The following PRRX2 variants were observed in gnomAD, a reference collection of about 807,000 sequenced individuals.
PRRX2 encodes paired mesoderm homeobox protein 2.
A neutral mutation model predicts 18.0 loss-of-function variants in PRRX2; 11 were observed. The ratio of observed to expected loss-of-function variants is 0.61; its 90% CI spans 0.39 to 1.01. PRRX2 has a LOEUF of 1.01. Ranked by LOEUF, PRRX2 falls within the 50% of genes least tolerant of loss-of-function variation. The pLI is 0.01. For synonymous variants in PRRX2, 177 were observed against 154.8 expected, an observed-to-expected ratio of 1.14 and a Z score of -1.06; for missense variants, 387 against 351.0, an observed-to-expected ratio of 1.10 and a Z score of -0.82.
intron 1 of PRRX2, among the ~76,000 whole-genome samples, chr9:129,692,824 G>GT (rs1239018293): frequency 6.6e-6 from 1 of 152,172 alleles, no homozygotes; most frequent in African/African-American, 2.4e-5. Flanking sequence ...TTGCTTCTAA[G>GT]TTTTGGCAAT....
intron 1 of PRRX2, among the ~76,000 whole-genome samples, chr9:129,693,049 C>T (rs182754009): frequency 3.9e-5 from 6 of 152,172 alleles, no homozygotes; most frequent in Non-Finnish European, 5.9e-5. Flanking sequence ...CCCACATCTT[C>T]GCCAGCATTT....
intron 1 of PRRX2, among the ~76,000 whole-genome samples, chr9:129,714,677 C>T (rs1465392097): frequency 8.5e-5 from 13 of 152,172 alleles, no homozygotes; most frequent in Non-Finnish European, 2.9e-5. Flanking sequence ...CTCCATGTCG[C>T]CACACAGCTT....
intron 1 of PRRX2, among the ~76,000 whole-genome samples, chr9:129,710,436 G>A (rs922737862): frequency 6.6e-6 from 1 of 152,152 alleles, no homozygotes; most frequent in Non-Finnish European, 1.5e-5. Flanking sequence ...AGCTTGGCCT[G>A]ATTGAAAGCT....
At chr9:129,698,841 G>C (rs1832461720) in intron 1 of PRRX2, among the ~76,000 whole-genome samples, 1 of 152,230 alleles carries the variant, frequency 6.6e-6, no homozygotes, top group Non-Finnish European at 1.5e-5. Context: ...CTGGACTCCA[G>C]AGATGAAACC....
At chr9:129,686,395 G>A (rs1021694134) in intron 1 of PRRX2, among the ~76,000 whole-genome samples, 2 of 152,200 alleles carry the variant, frequency 1.3e-5, no homozygotes, top group African/African-American at 4.8e-5. Context: ...CGCCCAGGCT[G>A]GAGTGCAGTG....
intron 1 of PRRX2, among the ~76,000 whole-genome samples, chr9:129,686,950 G>A (rs1349235216): frequency 6.6e-6 from 1 of 152,230 alleles, no homozygotes; most frequent in East Asian, 1.9e-4. Context: ...GCCCTGGGCA[G>A]GGGAGAATTA....
rs1326043831 is a variant in PRRX2 at position 129,675,387 on chromosome 9, C to T, written c.259+9261C>T. On this transcript the variant is annotated intron_variant, in intron 1 of 3. Coordinates refer to ENST00000372469, the MANE Select transcript of PRRX2 (RefSeq NM_016307.4). The surrounding 1 kb of genome is among the most constrained non-coding windows in gnomAD (Gnocchi z 4.4). ...GTCTCTCCCTCACCAGCATCCTGAC[C>T]CCCTCTAGCTTTGGTGGCCAGGGTT... Among the ~76,000 whole-genome samples the T allele has an allele frequency of 6.6e-6, 1 of 152,138 alleles. No individual in the cohort carries two copies. Among genetic ancestry groups the T allele is most frequent in the African/African-American group, 2.4e-5 (1 of 41,420 alleles).
intron 1 of PRRX2, among the ~76,000 whole-genome samples, chr9:129,666,653 T>A (rs1588159028): frequency 7.5e-6 from 1 of 132,474 alleles, no homozygotes; most frequent in Non-Finnish European, 1.5e-5. Context: ...CCGGCAGAGG[T>A]CAAAGGTCAT....
At chr9:129,700,424 G>A (rs1420487870) in intron 1 of PRRX2, among the ~76,000 whole-genome samples, 1 of 149,952 alleles carries the variant, frequency 6.7e-6, no homozygotes, top group Admixed American at 6.7e-5. Context: ...CCGCCTCCCA[G>A]GTTCAAGCGA....
chr9:129,698,026 C>T (rs1404460553), intron 1 of PRRX2, among the ~76,000 whole-genome samples: 2 of 151,916 alleles, frequency 1.3e-5, no homozygotes, highest in Non-Finnish European at 2.9e-5. Context: ...ACAAGGGCTT[C>T]ATTGAGGCCG....
At chr9:129,670,775 A>G (rs1832089996) in intron 1 of PRRX2, among the ~76,000 whole-genome samples, 1 of 152,148 alleles carries the variant, frequency 6.6e-6, no homozygotes, top group Non-Finnish European at 1.5e-5. Context: ...GGGCATCATC[A>G]CAAGACCAGA....
At chr9:129,693,322 G>A (rs369048124) in intron 1 of PRRX2, among the ~76,000 whole-genome samples, 4 of 152,156 alleles carry the variant, frequency 2.6e-5, no homozygotes, top group South Asian at 2.1e-4. Flanking sequence ...AGCTGGGTGC[G>A]GTGGCTCACA....
At chr9:129,690,779 T>TACAG (rs1415070410) in intron 1 of PRRX2, among the ~76,000 whole-genome samples, 7 of 151,494 alleles carry the variant, frequency 4.6e-5, no homozygotes, top group Non-Finnish European at 1.0e-4. Context: ...GTGCTGGGAT[T>TACAG]ACAGGCATGA....
intron 1 of PRRX2, among the ~76,000 whole-genome samples, chr9:129,685,110 G>C (rs1352527340): frequency 6.6e-6 from 1 of 152,178 alleles, no homozygotes; most frequent in Non-Finnish European, 1.5e-5. Flanking sequence ...TGGGCCCCGT[G>C]GGCTGAGTGG....
chr9:129,713,458 T>C lies in PRRX2; in HGVS notation c.260-5773T>C, dbSNP rs368432013. On this transcript the variant is annotated intron_variant, in intron 1 of 3. Transcript: ENST00000372469. ...AGGCTGGAGGCCTCCCACCATGGCA[T>C]CTCCTGACCCCGCCCACCCATGGGA... 2.7e-3 allele frequency among the ~76,000 whole-genome samples: 409 copies of C among 151,998 alleles called. 2 individuals are homozygous for C. The highest frequency in any genetic ancestry group is 9.4e-3 in the African/African-American group (389 of 41,468).
intron 1 of PRRX2, among the ~76,000 whole-genome samples, chr9:129,716,795 C>T (rs973605935): frequency 2.6e-5 from 4 of 151,970 alleles, no homozygotes; most frequent in Non-Finnish European, 5.9e-5. Context: ...GAAAATATTA[C>T]ACATATTTTG....
intron 1 of PRRX2, among the ~76,000 whole-genome samples, chr9:129,700,390 G>A (rs1392962097): frequency 6.6e-6 from 1 of 151,374 alleles, no homozygotes; most frequent in African/African-American, 2.4e-5. Flanking sequence ...CCAGGCTGGA[G>A]TGCAGTGGCG....
intron 1 of PRRX2, among the ~76,000 whole-genome samples, chr9:129,690,655 T>C (rs1402769006): frequency 1.3e-5 from 2 of 151,990 alleles, no homozygotes; most frequent in East Asian, 1.9e-4. Flanking sequence ...TACAGATGCC[T>C]GCCACCACTT....
chr9:129,721,720 C>A (rs1038567136), intron 3 of PRRX2, among the ~76,000 whole-genome samples: 1 of 152,180 alleles, frequency 6.6e-6, no homozygotes, highest in African/African-American at 2.4e-5. Flanking sequence ...GCTGGGATTA[C>A]AAACGCCCGT....
Sources: gnomAD v4.1 joint callset for allele counts (sites outside exome capture counted in the v4.1 genomes callset) on GRCh38, gnomAD v4.1.1 for gene constraint, Gnocchi (gnomAD v3.1) non-coding constraint, MANE v1.5 for transcripts, NCBI Gene and HGNC (gene_info 2026-07-23, HGNC 2026-07-21) for gene names.